ATOH8: variants seen among roughly 807,000 people sequenced by gnomAD.
ATOH8 encodes the protein atonal bHLH transcription factor 8.
A neutral mutation model predicts 21.2 loss-of-function variants in ATOH8; 9 were observed. That is an observed-to-expected ratio of 0.42 (90% CI 0.26 to 0.74). ATOH8 has a LOEUF of 0.74. Among genes scored for constraint, ATOH8 ranks in the 30% least tolerant of loss-of-function variants. The pLI is 0.24. For missense variants in ATOH8, 524 were observed against 470.9 expected (o/e 1.11, Z -1.04); for synonymous variants, 253 against 224.0 (o/e 1.13, Z -1.16).
In ATOH8 at chr2:85,788,930, G is replaced by A. The variant is rs1680694358; in HGVS notation, c.*2040G>A. ...GTGCTCTGGAAGCAGACTGGACAGA[G>A]TGGGCATGGAATGGGGCCAGGAGGG... On this transcript the variant is annotated 3_prime_UTR_variant, in exon 3 of 3. Transcript: ENST00000306279. 6.6e-6 allele frequency among the ~76,000 whole-genome samples: 1 copy of A among 152,188 alleles called. No homozygotes were observed. The highest frequency in any genetic ancestry group is 2.4e-5 in the African/African-American group (1 of 41,448).
At chr2:85,775,651 G>T (rs1299424166) in intron 2 of ATOH8, among the ~76,000 whole-genome samples, 1 of 152,174 alleles carries the variant, frequency 6.6e-6, no homozygotes, top group East Asian at 1.9e-4. Flanking sequence ...TCTACAGTCA[G>T]GGTAGGGGGC....
intron 1 of ATOH8, among the ~76,000 whole-genome samples, chr2:85,760,420 C>T (rs1679836646): frequency 1.3e-5 from 2 of 152,074 alleles, no homozygotes; most frequent in African/African-American, 4.8e-5. Flanking sequence ...ATGGCATCAT[C>T]AGCCCAGAAC....
At chr2:85,774,337 A>G in intron 2 of ATOH8, 1 of 985,516 alleles carries the variant, frequency 1.0e-6, no homozygotes, top group Admixed American at 6.1e-5. Flanking sequence ...TGAGCCCTGC[A>G]CCTGGCACAG....
At chr2:85,772,713 G>C (rs776472892) in intron 2 of ATOH8, 3 of 456,864 alleles carry the variant, frequency 6.6e-6, no homozygotes, top group South Asian at 4.7e-5. Context: ...GAGGAAACTC[G>C]CTTATGAATA....
chr2:85,770,290 C>G (rs551378683), intron 2 of ATOH8, among the ~76,000 whole-genome samples: 3 of 152,262 alleles, frequency 2.0e-5, no homozygotes, highest in Non-Finnish European at 4.4e-5. Context: ...GGTGTGTGCC[C>G]CCAGCTCCTA....
chr2:85,754,092 G>A lies in ATOH8; in HGVS notation c.-98G>A, dbSNP rs1054992618. ...GGGGGAGAAAGGGAGAGAGGGAGGG[G>A]GAGGGCGGGCGAAGCGGGAGAGCCA... On this transcript the variant is annotated 5_prime_UTR_variant, in exon 1 of 3. Transcript: ENST00000306279. 9 of 1,328,958 alleles carry A rather than the reference G, an allele frequency of 6.8e-6. No homozygotes were observed. The highest frequency in any genetic ancestry group is 3.1e-5 in the East Asian group (1 of 32,338). The allele number at this position is 1,328,958 out of a possible 1,614,324, so 82.3% of individuals were successfully genotyped here. A position where few individuals can be genotyped will look rare whatever the true frequency, so the allele number is the denominator to read the frequency against.
At chr2:85,778,427 G>A (rs10192235) in intron 2 of ATOH8, among the ~76,000 whole-genome samples, 56,748 of 152,022 alleles carry the variant, frequency 0.37, 11,910 homozygotes, top group African/African-American at 0.57. Context: ...TAGGGACAAT[G>A]GAAGAGGCTA....
Position 85,785,716 on chromosome 2 carries a change from T to C in ATOH8, c.961-1169T>C, listed in dbSNP as rs1050544356. On this transcript the variant is annotated intron_variant, in intron 2 of 2. Coordinates refer to ENST00000306279, the MANE Select transcript of ATOH8 (RefSeq NM_032827.7). This position sits in a 1 kb window ranked among gnomAD's most constrained non-coding sequence, Gnocchi z 4.1. ...TCCTGGCACTGGCAACTTCTAGCAC[T>C]TCCTTCTCGGAGCCTGGGATTGCTC... 1.1e-4 allele frequency among the ~76,000 whole-genome samples: 17 copies of C among 152,204 alleles called. 3 individuals carry two copies. Among genetic ancestry groups the C allele is most frequent in the Admixed American group, 9.8e-4 (15 of 15,286 alleles).
intron 2 of ATOH8, among the ~76,000 whole-genome samples, chr2:85,784,940 G>A (rs1372833405): frequency 6.6e-6 from 1 of 152,250 alleles, no homozygotes; most frequent in African/African-American, 2.4e-5. Flanking sequence ...CCGAGGTGGT[G>A]GTGGTCCAGT....
chr2:85,756,213 C>T (rs922194957), intron 1 of ATOH8, among the ~76,000 whole-genome samples: 1 of 152,030 alleles, frequency 6.6e-6, no homozygotes. Context: ...GGGTGGCTGT[C>T]ACAGACCAGG....
At position 85,754,036 on chromosome 2, in the gene ATOH8, C is replaced by T; in HGVS notation, c.-154C>T. ...CGGGAACGGACAGCCCGGCGGCTTC[C>T]CGAAGCCGGCGGCGCAGCTGCCCGG... is the stretch of plus-strand genomic sequence containing the variant. On this transcript the variant is annotated 5_prime_UTR_variant, in exon 1 of 3. Transcript: ENST00000306279. 1 of 963,606 alleles carries T rather than the reference C, an allele frequency of 1.0e-6. No homozygotes were observed. Among genetic ancestry groups the T allele is most frequent in the East Asian group, 3.3e-5 (1 of 30,412 alleles). 59.7% of individuals were successfully genotyped at this position (963,606 alleles called of 1,614,324 possible).
At chr2:85,778,900 G>A (rs1179491466) in intron 2 of ATOH8, among the ~76,000 whole-genome samples, 7 of 150,898 alleles carry the variant, frequency 4.6e-5, no homozygotes, top group Admixed American at 1.3e-4. Flanking sequence ...AGCCTTTCTC[G>A]TGTGGCTGGG....
At chr2:85,772,264 C>T (rs1348370900) in intron 2 of ATOH8, among the ~76,000 whole-genome samples, 4 of 152,258 alleles carry the variant, frequency 2.6e-5, no homozygotes, top group Admixed American at 6.5e-5. Context: ...CAGGTTAAGT[C>T]GCCTGGCGGC....
intron 2 of ATOH8, among the ~76,000 whole-genome samples, chr2:85,786,159 A>T (rs1241503385): frequency 6.6e-6 from 1 of 152,210 alleles, no homozygotes; most frequent in East Asian, 1.9e-4. Context: ...TGTGCTCCTT[A>T]GCACCCTGAT....
intron 2 of ATOH8, among the ~76,000 whole-genome samples, chr2:85,767,386 A>G (rs1680044672): frequency 1.3e-5 from 2 of 151,910 alleles, no homozygotes; most frequent in African/African-American, 4.8e-5. Context: ...CCTGGGAGCC[A>G]GGCAGGGGCC....
intron 2 of ATOH8, among the ~76,000 whole-genome samples, chr2:85,767,948 A>G (rs890205000): frequency 1.3e-5 from 2 of 152,170 alleles, no homozygotes; most frequent in Non-Finnish European, 2.9e-5. Flanking sequence ...AGGTGGGTTC[A>G]TGGGTTGGAG....
chr2:85,777,933 C>A (rs1680373172), intron 2 of ATOH8, among the ~76,000 whole-genome samples: 1 of 152,192 alleles, frequency 6.6e-6, no homozygotes, highest in Admixed American at 6.5e-5. Context: ...GAGGGAGGCC[C>A]TGGTGATCTG....
chr2:85,786,437 G>C (rs1431793851), intron 2 of ATOH8, among the ~76,000 whole-genome samples: 1 of 152,220 alleles, frequency 6.6e-6, no homozygotes, highest in Non-Finnish European at 1.5e-5. Flanking sequence ...GCTACAACTA[G>C]AGTGGGCCTT....
rs569770902 is a variant in ATOH8, at chr2:85,754,970, C to T, written c.768+13C>T. 3.2e-6 allele frequency: 5 copies of T among 1,578,844 alleles called. No homozygotes were observed. Among genetic ancestry groups the T allele is most frequent in the Admixed American group, 1.8e-5 (1 of 55,980 alleles). On this transcript the variant is annotated intron_variant, in intron 1 of 2. Transcript: ENST00000306279. ...GCTCAGGAAGCAGGTACCCGCTCGC[C>T]GCCGCACGCCCTCACTGCGCCGGGG...
Sources: gnomAD v4.1 joint callset for allele counts (sites outside exome capture counted in the v4.1 genomes callset) on GRCh38, gnomAD v4.1.1 for gene constraint, Gnocchi (gnomAD v3.1) non-coding constraint, MANE v1.5 for transcripts, NCBI Gene and HGNC (gene_info 2026-07-23, HGNC 2026-07-21) for gene names.